JMY: variants seen among roughly 807,000 people sequenced by gnomAD.
JMY encodes junction-mediating and -regulatory protein.
Under a neutral mutation model 103.3 loss-of-function variants are expected in JMY, and 46 were observed. The ratio of observed to expected loss-of-function variants is 0.45; its 90% CI spans 0.35 to 0.57. The LOEUF (loss-of-function observed/expected upper bound fraction) is 0.57. Among genes scored for constraint, JMY ranks in the 20% least tolerant of loss-of-function variants. The probability of loss-of-function intolerance (pLI) is 0.00; values close to 1 mark genes in which losing one functional copy is unlikely to be tolerated. For synonymous variants in JMY, 526 were observed against 489.3 expected (o/e 1.07, Z -0.99); for missense variants, 1,238 against 1,255.2 (o/e 0.99, Z 0.21).
At chr5:79,249,722 T>G (rs1561289070) in intron 1 of JMY, among the ~76,000 whole-genome samples, 1 of 152,216 alleles carries the variant, frequency 6.6e-6, no homozygotes, top group South Asian at 2.1e-4. Context: ...ATTCCCCAGT[T>G]ACTCTATTCA....
chr5:79,318,761 TAGAGAGAGAG>T (rs3081332), intron 10 of JMY, among the ~76,000 whole-genome samples: 17 of 53,578 alleles, frequency 3.2e-4, no homozygotes, highest in Non-Finnish European at 3.6e-4. Context: ...TATATATATA[TAGAGAGAGAG>T]AGAGAGAGAG....
chr5:79,286,567 C>T (rs919070745), intron 2 of JMY, among the ~76,000 whole-genome samples: 4 of 151,076 alleles, frequency 2.6e-5, no homozygotes, highest in Non-Finnish European at 5.9e-5. Context: ...TGCTTGAGAC[C>T]GGGAGTTGGA....
rs1218489840 is a variant in JMY at position 79,300,371 on chromosome 5, A to AT, written c.1693+53_1693+54insT. 23 of 1,429,440 alleles carry AT rather than the reference A, an allele frequency of 1.6e-5. No individual in the cohort carries two copies. In the African/African-American group the frequency reaches 3.2e-4, roughly 20 times the overall value. 88.5% of individuals were successfully genotyped at this position (1,429,440 alleles called of 1,614,324 possible). ...TCACCAAAGATTGAATACATGAGAAAATACTTATGGACTAGGTATGTTTCT... is the reference window on the plus strand; with the variant it reads ...TCACCAAAGATTGAATACATGAGAAATATACTTATGGACTAGGTATGTTTCT... On this transcript the variant is annotated intron_variant, in intron 5 of 10. Transcript: ENST00000396137.
intron 1 of JMY, among the ~76,000 whole-genome samples, chr5:79,246,247 CCT>C (rs1473084812): frequency 6.6e-6 from 1 of 152,122 alleles, no homozygotes; most frequent in Non-Finnish European, 1.5e-5. Context: ...TTTCTCTAGG[CCT>C]ATCTTTCTCC....
chr5:79,298,196 G>T (rs1014824421), intron 4 of JMY, among the ~76,000 whole-genome samples: 1 of 152,178 alleles, frequency 6.6e-6, no homozygotes, highest in Non-Finnish European at 1.5e-5. Flanking sequence ...TGAACTCACA[G>T]CCTGGATCTG....
rs1207517281 is a variant in JMY, at chr5:79,323,223, A to C, written c.*1621A>C. On this transcript the variant is annotated 3_prime_UTR_variant, in exon 11 of 11. Coordinates refer to ENST00000396137, the MANE Select transcript of JMY (RefSeq NM_152405.5). Reference sequence around the variant, plus strand: ...AGCCTCGGCCTGCTAAAGTGCTAGGATTATAGGCGTGAGCCTCTGTGCCCA... The same window carrying C: ...AGCCTCGGCCTGCTAAAGTGCTAGGCTTATAGGCGTGAGCCTCTGTGCCCA... The C allele has an allele frequency of 6.6e-6, 1 of 152,244 alleles. No homozygotes were observed. Among genetic ancestry groups the C allele is most frequent in the Non-Finnish European group, 1.5e-5 (1 of 68,056 alleles). 9.4% of individuals were successfully genotyped at this position (152,244 alleles called of 1,614,324 possible).
chr5:79,320,457 G>A (rs1394119378), intron 10 of JMY, among the ~76,000 whole-genome samples: 1 of 151,726 alleles, frequency 6.6e-6, no homozygotes, highest in Non-Finnish European at 1.5e-5. Context: ...GATTACAGGC[G>A]CACCACCATG....
At position 79,300,286 on chromosome 5, in the gene JMY, C is replaced by A; in HGVS notation, c.1661C>A (p.Ala554Glu). The A allele has an allele frequency of 2.5e-6, 4 of 1,582,588 alleles. No individual in the cohort carries two copies. Among genetic ancestry groups the A allele is most frequent in the Non-Finnish European group, 3.4e-6 (4 of 1,166,828 alleles). Residue 554 changes from alanine (A) to glutamate (E), a missense_variant, in exon 5 of 11, where the codon GCG becomes GAG. Transcript: ENST00000396137. ...ILKCEELLLT[A>E]QLESIKRLIS... The stretch of plus-strand genomic sequence containing the variant: ...AAGTGTGAAGAGTTACTATTGACAG[C>A]GCAACTAGAAAGCATCAAAAGACTT...
chr5:79,265,680 T>C (rs1246670642), intron 1 of JMY, among the ~76,000 whole-genome samples: 1 of 152,120 alleles, frequency 6.6e-6, no homozygotes, highest in Non-Finnish European at 1.5e-5. Flanking sequence ...ATTTATGGAC[T>C]CAGTGTGATG....
At chr5:79,294,442 A>T (rs1746511393) in intron 4 of JMY, among the ~76,000 whole-genome samples, 1 of 152,180 alleles carries the variant, frequency 6.6e-6, no homozygotes, top group Non-Finnish European at 1.5e-5. Flanking sequence ...GAAATGAAAT[A>T]AAGCCATCAT....
chr5:79,272,887 C>T (rs879574356), intron 1 of JMY, among the ~76,000 whole-genome samples: 28 of 152,148 alleles, frequency 1.8e-4, no homozygotes, highest in Non-Finnish European at 2.9e-4. Flanking sequence ...CCACCTGCCT[C>T]GGCCTCCCAA....
chr5:79,273,642 A>G (rs1207000654), intron 1 of JMY, among the ~76,000 whole-genome samples: 1 of 152,164 alleles, frequency 6.6e-6, no homozygotes, highest in Non-Finnish European at 1.5e-5. Context: ...AATATATGTT[A>G]AGACCTTTTG....
At chr5:79,290,045 A>C in intron 2 of JMY, 76 bp from the exon 3 acceptor site, 1 of 1,013,188 alleles carries the variant, frequency 9.9e-7, no homozygotes, top group South Asian at 2.3e-5. Flanking sequence ...TCTTTGTGGT[A>C]TATAAACTTT....
At chr5:79,290,326 T>G in intron 3 of JMY, 55 bp downstream of exon 3, 1 of 1,235,996 alleles carries the variant, frequency 8.1e-7, no homozygotes, top group Non-Finnish European at 1.1e-6. Flanking sequence ...AGTGGTTAAG[T>G]ATTTTATGTT....
intron 1 of JMY, among the ~76,000 whole-genome samples, chr5:79,271,071 CTG>C (rs1745769949): frequency 6.6e-6 from 1 of 151,830 alleles, no homozygotes; most frequent in Non-Finnish European, 1.5e-5. Flanking sequence ...AGATGTCAGT[CTG>C]TAGTTTTTTT....
intron 1 of JMY, among the ~76,000 whole-genome samples, chr5:79,252,402 G>A (rs1453581554): frequency 6.6e-6 from 1 of 150,872 alleles, no homozygotes; most frequent in Non-Finnish European, 1.5e-5. Flanking sequence ...ATCCTTGAGA[G>A]TGATAGATAT....
intron 2 of JMY, chr5:79,284,854 A>G (rs193056967): frequency 2.6e-6 from 4 of 1,567,102 alleles, no homozygotes; most frequent in Non-Finnish European, 3.5e-6. Flanking sequence ...AAATGGATCA[A>G]CCACTTTCTT....
intron 10 of JMY, among the ~76,000 whole-genome samples, chr5:79,318,661 T>C (rs1747321229): frequency 6.6e-6 from 1 of 152,086 alleles, no homozygotes; most frequent in South Asian, 2.1e-4. Context: ...ACAGTCACTT[T>C]GTATGACTTA....
At chr5:79,285,578 T>A (rs1205728312) in intron 2 of JMY, among the ~76,000 whole-genome samples, 3 of 151,024 alleles carry the variant, frequency 2.0e-5, no homozygotes, top group African/African-American at 7.3e-5. Context: ...TTTTTTTTTT[T>A]AAGCATAGTT....
Sources: gnomAD v4.1 joint callset for allele counts (sites outside exome capture counted in the v4.1 genomes callset) on GRCh38, gnomAD v4.1.1 for gene constraint, MANE v1.5 for transcripts, NCBI Gene and HGNC (gene_info 2026-07-23, HGNC 2026-07-21) for gene names.